SLCO6A1: variants seen among roughly 807,000 people sequenced by gnomAD.
SLCO6A1 encodes solute carrier organic anion transporter family member 6A1, also known as cancer/testis antigen 48.
A neutral mutation model predicts 72.7 loss-of-function variants in SLCO6A1; 65 were observed. The ratio of observed to expected loss-of-function variants is 0.89; its 90% CI spans 0.73 to 1.10. SLCO6A1 has a LOEUF of 1.10. Among genes scored for constraint, SLCO6A1 ranks in the 50% least tolerant of loss-of-function variants. The pLI, the probability that SLCO6A1 is intolerant of heterozygous loss-of-function variation, is 0.00. For synonymous variants in SLCO6A1, 314 were observed against 298.2 expected (o/e 1.05, Z -0.55); for missense variants, 874 against 872.6 (o/e 1.00, Z -0.02).
At chr5:102,404,367 C>T (rs1384468894) in intron 9 of SLCO6A1, among the ~76,000 whole-genome samples, 1 of 152,086 alleles carries the variant, frequency 6.6e-6, no homozygotes, top group Non-Finnish European at 1.5e-5. Flanking sequence ...TGGTGACAGG[C>T]ACCTGTAGTC....
chr5:102,394,433 T>C (rs1746949838), intron 10 of SLCO6A1, among the ~76,000 whole-genome samples: 1 of 151,874 alleles, frequency 6.6e-6, no homozygotes, highest in African/African-American at 2.4e-5. Context: ...TCCTATCCTC[T>C]GTTTATCTGC....
chr5:102,405,583 T>C (rs558306456), intron 9 of SLCO6A1, among the ~76,000 whole-genome samples: 1 of 151,904 alleles, frequency 6.6e-6, no homozygotes, highest in African/African-American at 2.4e-5. Flanking sequence ...CTAGTGAAAA[T>C]ATCCTTCAGG....
chr5:102,389,447 C>CA (rs1396146952), intron 11 of SLCO6A1, among the ~76,000 whole-genome samples: 5 of 57,638 alleles, frequency 8.7e-5, no homozygotes, highest in African/African-American at 2.4e-4. Flanking sequence ...CACACCCCGC[C>CA]CCCCACCCCC....
chr5:102,418,163 C>G (rs535255146), intron 8 of SLCO6A1, among the ~76,000 whole-genome samples: 87 of 151,560 alleles, frequency 5.7e-4, no homozygotes, highest in Admixed American at 5.7e-3. Flanking sequence ...TATGCCATTA[C>G]CCTTATCTTT....
intron 4 of SLCO6A1, among the ~76,000 whole-genome samples, chr5:102,466,483 T>A (rs1580479046): frequency 6.6e-6 from 1 of 152,106 alleles, no homozygotes; most frequent in Non-Finnish European, 1.5e-5. Flanking sequence ...GCTGCAATGA[T>A]CATATGTGTG....
intron 12 of SLCO6A1, among the ~76,000 whole-genome samples, chr5:102,384,281 C>T (rs946189039): frequency 1.3e-5 from 2 of 151,842 alleles, no homozygotes; most frequent in Non-Finnish European, 2.9e-5. Flanking sequence ...TAGATTCAGT[C>T]AGTCAGTAAT....
chr5:102,389,357 G>A (rs961827883), intron 11 of SLCO6A1, among the ~76,000 whole-genome samples: 1 of 151,846 alleles, frequency 6.6e-6, no homozygotes, highest in Admixed American at 6.6e-5. Flanking sequence ...TGTGCTGCCT[G>A]AGGGAAACCT....
At chr5:102,413,325 G>A (rs1223587520) in intron 8 of SLCO6A1, among the ~76,000 whole-genome samples, 182 bp from the exon 9 acceptor site, 1 of 151,802 alleles carries the variant, frequency 6.6e-6, no homozygotes, top group Non-Finnish European at 1.5e-5. Context: ...GAAGATTTTT[G>A]ATATGTGTAT....
chr5:102,378,813 C>T (rs577071770), intron 12 of SLCO6A1, among the ~76,000 whole-genome samples: 9 of 152,080 alleles, frequency 5.9e-5, no homozygotes, highest in South Asian at 2.1e-4. Context: ...CAGAGTTTCA[C>T]GCTTGTCACC....
chr5:102,481,521 C>T (rs546366954), intron 1 of SLCO6A1, among the ~76,000 whole-genome samples: 1 of 152,196 alleles, frequency 6.6e-6, no homozygotes, highest in East Asian at 1.9e-4. Flanking sequence ...GCCCCAGCAA[C>T]TCTGGGAATT....
chr5:102,469,823 G>A (rs1391675691), intron 4 of SLCO6A1, among the ~76,000 whole-genome samples: 1 of 152,048 alleles, frequency 6.6e-6, no homozygotes, highest in Non-Finnish European at 1.5e-5. Context: ...ATTATTTTGA[G>A]ATACATTCCA....
chr5:102,439,746 G>A (rs1277675739), intron 6 of SLCO6A1, among the ~76,000 whole-genome samples: 1 of 152,080 alleles, frequency 6.6e-6, no homozygotes, highest in African/African-American at 2.4e-5. Context: ...TAGGGCATAA[G>A]GATTTAGCAT....
intron 9 of SLCO6A1, among the ~76,000 whole-genome samples, chr5:102,401,649 C>T (rs1330481120): frequency 2.6e-5 from 4 of 152,112 alleles, no homozygotes; most frequent in African/African-American, 9.6e-5. Flanking sequence ...TGAAAATGGT[C>T]ACCAGAAAGA....
At chr5:102,494,406 C>A (rs1752819226) in intron 1 of SLCO6A1, among the ~76,000 whole-genome samples, 1 of 152,064 alleles carries the variant, frequency 6.6e-6, no homozygotes, top group Non-Finnish European at 1.5e-5. Flanking sequence ...AAGAATGAAT[C>A]ATTTAAAACA....
intron 4 of SLCO6A1, among the ~76,000 whole-genome samples, chr5:102,468,034 C>T (rs1751396806): frequency 6.6e-6 from 1 of 152,056 alleles, no homozygotes; most frequent in African/African-American, 2.4e-5. Flanking sequence ...GTTTGTGTCA[C>T]TATCATCGTT....
chr5:102,406,552 T>C (rs1052994553), intron 9 of SLCO6A1, among the ~76,000 whole-genome samples: 1 of 151,964 alleles, frequency 6.6e-6, no homozygotes. Context: ...TTATAAGCCA[T>C]ACAAAGTGAC....
At chr5:102,433,604 T>C (rs191731115) in intron 7 of SLCO6A1, among the ~76,000 whole-genome samples, 1 of 152,304 alleles carries the variant, frequency 6.6e-6, no homozygotes, top group Non-Finnish European at 1.5e-5. Context: ...CTTTGTTCTC[T>C]GGCTCCTCAA....
rs570836121 is a variant in SLCO6A1, at chr5:102,464,810, T to C, written c.900-5033A>G. Among the ~76,000 whole-genome samples the C allele has an allele frequency of 1.0e-3, 158 of 152,192 alleles. 1 individual carries two copies. Among genetic ancestry groups the C allele is most frequent in the Admixed American group, 2.8e-3 (43 of 15,264 alleles). On this transcript the variant is annotated intron_variant, in intron 4 of 13. Transcript: ENST00000506729. Reference sequence around the variant, plus strand: ...GCTCTCAGATCTCTTGCCAGTGCTCTTCACAAGCCAAGCCTAAAACTAAGC... The same window carrying C: ...GCTCTCAGATCTCTTGCCAGTGCTCCTCACAAGCCAAGCCTAAAACTAAGC...
chr5:102,467,799 T>C (rs1472435142), intron 4 of SLCO6A1, among the ~76,000 whole-genome samples: 1 of 152,118 alleles, frequency 6.6e-6, no homozygotes, highest in African/African-American at 2.4e-5. Flanking sequence ...TGTGTTTCAT[T>C]TATCTTTTGT....
Sources: allele counts gnomAD v4.1 joint callset (sites outside exome capture counted in the v4.1 genomes callset), GRCh38; gene constraint gnomAD v4.1.1; transcripts MANE v1.5; gene names NCBI Gene and HGNC (gene_info 2026-07-23, HGNC 2026-07-21).